The following DNAH2 variants were observed in gnomAD, a reference collection of about 807,000 sequenced individuals.
The protein encoded by DNAH2 is axonemal beta dynein heavy chain 2.
A neutral mutation model predicts 523.5 loss-of-function variants in DNAH2; 323 were observed. The observed-to-expected ratio is 0.62, with a 90% confidence interval of 0.56 to 0.68. The LOEUF (loss-of-function observed/expected upper bound fraction) is 0.68, where lower values mean the gene tolerates loss of function less well. Among genes scored for constraint, DNAH2 ranks in the 30% least tolerant of loss-of-function variants. The pLI is 0.00. For missense variants in DNAH2, 4,907 were observed against 5,701.5 expected (o/e 0.86, Z 4.49); for synonymous variants, 2,093 against 2,177.4 (o/e 0.96, Z 1.08).
rs1276037185 is a variant in DNAH2 at position 7,754,686 on chromosome 17, C to T, written c.1905-2405C>T. 2 of 1,252,114 alleles carry T rather than the reference C, an allele frequency of 1.6e-6. No homozygotes were observed. The highest frequency in any genetic ancestry group is 1.7e-5 in the Admixed American group (1 of 59,144). 77.6% of individuals were successfully genotyped at this position (1,252,114 alleles called of 1,614,324 possible). ...ACTTGATCGACTTGCCTACATTGCC[C>T]ACCCCAACCTTGGGAAGCTTGCTCG... On this transcript the variant is annotated intron_variant, in intron 12 of 85. Transcript: ENST00000572933. This position sits in a 1 kb window ranked among gnomAD's most constrained non-coding sequence, Gnocchi z 4.6.
At position 7,754,635 on chromosome 17, in the gene DNAH2, A is replaced by G; in HGVS notation, c.1905-2456A>G. ...CGTAAAGCCCAAGGAGGTTAAGCCC[A>G]AGATCCCAAAGGGTGTCAGCCATAA... On this transcript the variant is annotated intron_variant, in intron 12 of 85. Coordinates refer to ENST00000572933, the MANE Select transcript of DNAH2 (RefSeq NM_020877.5). The surrounding 1 kb of genome is among the most constrained non-coding windows in gnomAD (Gnocchi z 4.6). 3 of 1,444,652 alleles carry G rather than the reference A, an allele frequency of 2.1e-6. No homozygotes were observed. The highest frequency in any genetic ancestry group is 2.9e-6 in the Non-Finnish European group (3 of 1,042,508). The allele number at this position is 1,444,652 out of a possible 1,614,324, so 89.5% of individuals were successfully genotyped here.
At position 7,768,008 on chromosome 17, in the gene DNAH2, A is replaced by G. The variant is rs781018026; in HGVS notation, c.3784A>G (p.Thr1262Ala). ...GATCCTGCAGACGGAAACCATGGAG[A>G]CCACGGCCCACGGGCTGTTTCGTCG... ...FLILQTETME[T>A]TAHGLFRRLT... The change falls in exon 23 of 86, where the codon ACC (threonine) becomes GCC (alanine). Residue 1262 changes from threonine (T) to alanine (A), a missense_variant. Thr to Ala is a moderately conservative substitution (Grantham distance 58). Coordinates refer to ENST00000572933, the MANE Select transcript of DNAH2 (RefSeq NM_020877.5). The G allele has an allele frequency of 2.5e-6, 4 of 1,614,114 alleles. No individual in the cohort carries two copies. The highest frequency in any genetic ancestry group is 3.4e-6 in the Non-Finnish European group (4 of 1,180,024).
chr17:7,749,360 G>GAA (rs2075621061), intron 12 of DNAH2, among the ~76,000 whole-genome samples: 1 of 48,786 alleles, frequency 2.0e-5, no homozygotes, highest in Non-Finnish European at 4.9e-5. Flanking sequence ...AAAGAAAAAA[G>GAA]AAAATCTTGC....
intron 10 of DNAH2, 36 bp from the exon 11 acceptor site, chr17:7,740,774 C>T (rs771136059): frequency 2.5e-5 from 40 of 1,584,744 alleles, no homozygotes; most frequent in Admixed American, 1.7e-5. Flanking sequence ...CCCGCCTTCC[C>T]GGGCACGTCG....
chr17:7,757,706 AC>A (rs2075883894), intron 13 of DNAH2, among the ~76,000 whole-genome samples: 1 of 152,126 alleles, frequency 6.6e-6, no homozygotes, highest in South Asian at 2.1e-4. Context: ...AATGCCATAG[AC>A]CGGGTGGCTT....
At position 7,792,021 on chromosome 17, in the gene DNAH2, G is replaced by A. The variant is rs748266426; in HGVS notation, c.7005G>A (p.Lys2335=). 2.5e-6 allele frequency: 4 copies of A among 1,613,956 alleles called. No homozygotes were observed. The highest frequency in any genetic ancestry group is 3.3e-5 in the Admixed American group (2 of 60,004). Residue 2335 remains lysine, a synonymous_variant, in exon 45 of 86, where the codon AAG becomes AAA. Coordinates refer to ENST00000572933, the MANE Select transcript of DNAH2 (RefSeq NM_020877.5). ...CCTCTGTGGATGAGGAGGGCCGGAA[G>A]AGGATCGACAGCTACCTCCGAGAGA... is the stretch of plus-strand genomic sequence containing the variant. ...VCASVDEEGR[K]RIDSYLREIE... is the part of the protein sequence containing the mutation.
rs923680391 is a variant in DNAH2 at position 7,797,103 on chromosome 17, A to G, written c.7864-73A>G. 15 of 479,330 alleles carry G rather than the reference A, an allele frequency of 3.1e-5. No individual in the cohort carries two copies. The Admixed American group carries it at 8.2e-4, about 26-fold the overall frequency. 29.7% of individuals were successfully genotyped at this position (479,330 alleles called of 1,614,324 possible). A position where few individuals can be genotyped will look rare whatever the true frequency, so the allele number is the denominator to read the frequency against. On this transcript the variant is annotated intron_variant, in intron 50 of 85. Coordinates refer to ENST00000572933, the MANE Select transcript of DNAH2 (RefSeq NM_020877.5). ...GGAGACAGAGTGAGACTCTGTCCCA[A>G]AAAAAAAAAAAAAAAAAACTTCTGG... is the stretch of plus-strand genomic sequence containing the variant.
In DNAH2 at chr17:7,765,418, G is replaced by A. The variant is rs761769069; in HGVS notation, c.3364G>A (p.Gly1122Arg). 1.2e-5 allele frequency: 20 copies of A among 1,613,906 alleles called. No individual in the cohort carries two copies. The highest frequency in any genetic ancestry group is 1.6e-4 in the Middle Eastern group (1 of 6,084). Reference sequence around the variant, plus strand: ...CCTGGAGATGCTGGACAGTCTCAACGGGGAGTGGGTTGTCTTCCAACAAAC... The same window carrying A: ...CCTGGAGATGCTGGACAGTCTCAACAGGGAGTGGGTTGTCTTCCAACAAAC... ...SVLEMLDSLNGEWVVFQQTLL... is the reference protein window; with the variant it reads ...SVLEMLDSLNREWVVFQQTLL... The change falls in exon 21 of 86, where the codon GGG (glycine) becomes AGG (arginine). Residue 1122 changes from glycine (G) to arginine (R), a missense_variant. Coordinates refer to ENST00000572933, the MANE Select transcript of DNAH2 (RefSeq NM_020877.5).
intron 12 of DNAH2, among the ~76,000 whole-genome samples, chr17:7,751,023 CT>C (rs2075666905): frequency 1.3e-5 from 2 of 152,244 alleles, no homozygotes; most frequent in Non-Finnish European, 2.9e-5. Flanking sequence ...TGCAAAGTTT[CT>C]TGAGCATATC....
intron 29 of DNAH2, 123 bp from the exon 30 acceptor site, chr17:7,775,118 T>C (rs1201265760): frequency 7.9e-7 from 1 of 1,266,498 alleles, no homozygotes; most frequent in Non-Finnish European, 1.1e-6. Context: ...ATAGAACTTC[T>C]TAGAATTGGT....
In DNAH2 at chr17:7,797,437, G is replaced by C. The variant is rs747189104; in HGVS notation, c.7987G>C (p.Glu2663Gln). ...SDRLVDAADT[E>Q]AFMGIISDKL... ...CCGGCTGGTTGATGCGGCAGACACA[G>C]AAGCCTTCATGGGCATCATAAGCGA... is the stretch of plus-strand genomic sequence containing the variant. Residue 2663 changes from glutamate to glutamine, a missense_variant, in exon 52 of 86, where the codon GAA (glutamate) becomes CAA (glutamine). By Grantham distance (29) the Glu-to-Gln change is conservative (BLOSUM62 2). Around this residue, in one of 3 missense-constraint regions of DNAH2, gnomAD observed 250 missense variants for 371.3 expected, o/e 0.67. Coordinates refer to ENST00000572933, the MANE Select transcript of DNAH2 (RefSeq NM_020877.5). 73 of 1,614,038 alleles carry C rather than the reference G, an allele frequency of 4.5e-5. No homozygotes were observed. The highest frequency in any genetic ancestry group is 6.1e-5 in the Non-Finnish European group (72 of 1,180,050).
chr17:7,722,044 G>T (rs1448520919), intron 2 of DNAH2, among the ~76,000 whole-genome samples: 2 of 152,130 alleles, frequency 1.3e-5, no homozygotes, highest in Non-Finnish European at 2.9e-5. Context: ...TGTCACCCAG[G>T]CTGGAGTGCA....
intron 4 of DNAH2, among the ~76,000 whole-genome samples, chr17:7,729,666 G>A (rs779203092): frequency 1.8e-4 from 28 of 152,160 alleles, no homozygotes; most frequent in Non-Finnish European, 3.4e-4. Flanking sequence ...CCAACCTCAG[G>A]TGATCCACCT....
chr17:7,741,303 T>TCCCTCCCTCCC lies in DNAH2; in HGVS notation c.1689+311_1689+312insCCCTCCCTCCC, dbSNP rs1567625077. Among the ~76,000 whole-genome samples, 10 of 76,880 alleles carry TCCCTCCCTCCC rather than the reference T, an allele frequency of 1.3e-4. No homozygotes were observed. In the East Asian group the frequency reaches 1.4e-3, roughly 11 times the overall value. The allele number at this position is 76,880 out of a possible 152,430, so 50.4% of individuals were successfully genotyped here. On this transcript the variant is annotated intron_variant, in intron 11 of 85. Coordinates refer to ENST00000572933, the MANE Select transcript of DNAH2 (RefSeq NM_020877.5). ...CTTTCTTTCTTTCTTTCTTCCTTCC[T>TCCCTCCCTCCC]TCCCTCCCTCCCTCCCTCCCTCCTT...
chr17:7,798,941 C>T lies in DNAH2; in HGVS notation c.8560-162C>T, dbSNP rs1450281273. Among the ~76,000 whole-genome samples, 1 of 152,210 alleles carries T rather than the reference C, an allele frequency of 6.6e-6. No individual in the cohort carries two copies. The highest frequency in any genetic ancestry group is 2.4e-5 in the African/African-American group (1 of 41,444). On this transcript the variant is annotated intron_variant, in intron 55 of 85. Transcript: ENST00000572933. This position sits in a 1 kb window ranked among gnomAD's most constrained non-coding sequence, Gnocchi z 5.5. ...GGCACAGTGGCTTGAGCTTGTAGTTCCAGCTACTCGGGGGTGGGGGGTGCT... is the reference window on the plus strand; with the variant it reads ...GGCACAGTGGCTTGAGCTTGTAGTTTCAGCTACTCGGGGGTGGGGGGTGCT...
chr17:7,807,198 T>C lies in DNAH2; in HGVS notation c.9491T>C (p.Ile3164Thr), dbSNP rs754356703. ...KSLINFDKDN[I>T]SDKVLKKIGA... ...CTGATCAACTTTGATAAAGACAATA[T>C]CTCAGATAAGGTTCTGAAGAAGATT... Residue 3164 changes from isoleucine (I) to threonine (T), a missense_variant, in exon 62 of 86, where the codon ATC becomes ACC. Physicochemically the swap from Ile to Thr is moderately conservative, Grantham distance 89 (BLOSUM62 -1). Around this residue, in one of 3 missense-constraint regions of DNAH2, gnomAD observed 1,851 missense variants for 2,139.4 expected, o/e 0.87. Coordinates refer to ENST00000572933, the MANE Select transcript of DNAH2 (RefSeq NM_020877.5). This position sits in a 1 kb window ranked among gnomAD's most constrained non-coding sequence, Gnocchi z 5.6. The C allele has an allele frequency of 1.4e-5, 22 of 1,612,450 alleles. No individual in the cohort carries two copies. In the Admixed American group the frequency reaches 3.5e-4, roughly 26 times the overall value.
At chr17:7,823,711 C>T in intron 74 of DNAH2, 83 bp downstream of exon 74, 1 of 1,580,726 alleles carries the variant, frequency 6.3e-7, no homozygotes, top group Non-Finnish European at 8.6e-7. Flanking sequence ...GTCCTCCATC[C>T]CCTCTCCCAG....
rs781622877 is a variant in DNAH2, at chr17:7,832,886, C to T, written c.12936C>T (p.Ile4312=). Residue 4312 remains isoleucine (I), a synonymous_variant, in exon 84 of 86, where the codon ATC becomes ATT. Coordinates refer to ENST00000572933, the MANE Select transcript of DNAH2 (RefSeq NM_020877.5). The surrounding 1 kb of genome is among the most constrained non-coding windows in gnomAD (Gnocchi z 4.3). ...VSVDSLSWEF[I]VSTVDDSNLV... ...TGGACAGCCTCTCCTGGGAGTTTAT[C>T]GTTTCCACTGTGGATGACAGCAACC... The T allele has an allele frequency of 5.6e-6, 9 of 1,614,090 alleles. No homozygotes were observed. In the East Asian group the frequency reaches 2.0e-4, roughly 36 times the overall value.
At chr17:7,771,190 G>T in intron 27 of DNAH2, 140 bp from the exon 28 acceptor site, 1 of 1,312,762 alleles carries the variant, frequency 7.6e-7, no homozygotes, top group Non-Finnish European at 1.1e-6. Flanking sequence ...AGCTTTCCTT[G>T]TAGAACTTGG....
Sources: gnomAD v4.1 joint callset for allele counts (sites outside exome capture counted in the v4.1 genomes callset) on GRCh38, gnomAD v4.1.1 for gene constraint, gnomAD v4.1.1 regional missense constraint, Gnocchi (gnomAD v3.1) non-coding constraint, MANE v1.5 for transcripts, NCBI Gene and HGNC (gene_info 2026-07-23, HGNC 2026-07-21) for gene names.